The following ZC3H13 variants were observed in gnomAD, a reference collection of about 807,000 sequenced individuals.
ZC3H13 encodes the protein zinc finger CCCH domain-containing protein 13.
ZC3H13 carries 64 observed loss-of-function variants against 204.1 expected under a neutral mutation model. The ratio of observed to expected loss-of-function variants is 0.31; its 90% CI spans 0.26 to 0.39. ZC3H13 has a LOEUF of 0.39. Among genes scored for constraint, ZC3H13 ranks in the 10% least tolerant of loss-of-function variants. ZC3H13 has a pLI of 1.00. For synonymous variants in ZC3H13, 667 were observed against 693.7 expected (o/e 0.96, Z 0.60); for missense variants, 1,833 against 2,082.7 (o/e 0.88, Z 2.33).
chr13:45,979,967 G>A lies in ZC3H13; in HGVS notation c.1758C>T (p.His586=). 1 of 1,607,994 alleles carries A rather than the reference G, an allele frequency of 6.2e-7. No individual in the cohort carries two copies. The highest frequency in any genetic ancestry group is 8.5e-7 in the Non-Finnish European group (1 of 1,177,816). ...TGTCATGATAGTTGCTATTACTACT[G>A]TGACTATCAATTTGAGAACCTCTTG... ...RGSRGSQIDS[H]SSNSNYHDSW... is the part of the protein sequence containing the mutation. The change falls in exon 11 of 19, where the codon CAC becomes CAT. Residue 586 remains histidine (H), a synonymous_variant. Coordinates refer to ENST00000679008, the MANE Select transcript of ZC3H13 (RefSeq NM_001330564.2).
chr13:46,014,947 G>A (rs1450306535), intron 5 of ZC3H13, among the ~76,000 whole-genome samples: 1 of 152,080 alleles, frequency 6.6e-6, no homozygotes, highest in Non-Finnish European at 1.5e-5. Context: ...TTACTTAAAA[G>A]AGTTTCCTTC....
chr13:45,992,338 C>T (rs1322096127), intron 8 of ZC3H13, among the ~76,000 whole-genome samples: 4 of 152,142 alleles, frequency 2.6e-5, no homozygotes, highest in Admixed American at 6.5e-5. Flanking sequence ...AACAAAACCA[C>T]TAACATAATA....
Position 45,968,021 on chromosome 13 carries a change from C to T in ZC3H13, c.3804G>A (p.Gln1268=), listed in dbSNP as rs77549742. 9.4e-4 allele frequency: 1,492 copies of T among 1,584,446 alleles called. 14 individuals are homozygous for T. The African/African-American group carries it at 0.018, about 19-fold the overall frequency. Residue 1268 remains glutamine (Q), a synonymous_variant, in exon 15 of 19, where the codon CAG becomes CAA. Transcript: ENST00000679008. ...TTCTTGAACTATGGCTTCTTGAATCCTGGCGATCTAAAATAAATATACCAT... is the reference window on the plus strand; with the variant it reads ...TTCTTGAACTATGGCTTCTTGAATCTTGGCGATCTAAAATAAATATACCAT... ...EPSRSTSSDR[Q]DSRSHSSRRS...
At chr13:46,042,302 CA>C in intron 3 of ZC3H13, 27 bp from the exon 4 acceptor site, 1 of 1,541,190 alleles carries the variant, frequency 6.5e-7, no homozygotes, top group Non-Finnish European at 8.9e-7. Flanking sequence ...AGAAACAAAA[CA>C]AAAAACGAAA....
chr13:46,017,888 CTG>C (rs1417529216), intron 5 of ZC3H13, among the ~76,000 whole-genome samples: 28 of 152,204 alleles, frequency 1.8e-4, no homozygotes, highest in African/African-American at 6.0e-4. Flanking sequence ...TGGTCAAAAA[CTG>C]TGCGTTTCAA....
At chr13:45,957,357 G>A (rs964879396) in intron 18 of ZC3H13, 60 bp from the exon 19 acceptor site, 18 of 1,344,482 alleles carry the variant, frequency 1.3e-5, no homozygotes, top group South Asian at 2.0e-5. Context: ...TAGGAAAGAT[G>A]GGCAGGTTAA....
chr13:45,991,021 T>C (rs1593568954), intron 8 of ZC3H13, among the ~76,000 whole-genome samples: 3 of 152,292 alleles, frequency 2.0e-5, no homozygotes, highest in African/African-American at 7.2e-5. Flanking sequence ...CGGTTGGTCT[T>C]GAACTCCTGG....
Position 45,957,270 on chromosome 13 carries a change from C to G in ZC3H13, c.4867G>C (p.Ala1623Pro), listed in dbSNP as rs1476534003. 1 of 1,543,656 alleles carries G rather than the reference C, an allele frequency of 6.5e-7. No individual in the cohort carries two copies. The highest frequency in any genetic ancestry group is 8.7e-7 in the Non-Finnish European group (1 of 1,143,066). The change falls in exon 19 of 19, where the codon GCT becomes CCT. Residue 1623 changes from alanine to proline, a missense_variant. Coordinates refer to ENST00000679008, the MANE Select transcript of ZC3H13 (RefSeq NM_001330564.2). The stretch of plus-strand genomic sequence containing the variant: ...AGTAATTCATTGTCTACCATTGGAG[C>G]ACTCGTGTAAGCTTGTTTTATGGTG... ...KGTIKQAYTSAPMVDNELLRL... is the reference protein window; with the variant it reads ...KGTIKQAYTSPPMVDNELLRL...
At chr13:46,022,818 G>T (rs1007807582) in intron 4 of ZC3H13, among the ~76,000 whole-genome samples, 1 of 151,624 alleles carries the variant, frequency 6.6e-6, no homozygotes, top group Non-Finnish European at 1.5e-5. Context: ...CATTTTTGCA[G>T]CAAAACACAG....
intron 4 of ZC3H13, among the ~76,000 whole-genome samples, chr13:46,034,635 T>C (rs1322009000): frequency 6.6e-6 from 1 of 152,154 alleles, no homozygotes; most frequent in Admixed American, 6.5e-5. Context: ...GGTTGACAGA[T>C]ATGTTCTGTA....
chr13:46,043,793 TTC>T (rs1434595155), intron 3 of ZC3H13, among the ~76,000 whole-genome samples: 2 of 152,004 alleles, frequency 1.3e-5, no homozygotes, highest in Admixed American at 6.5e-5. Context: ...TTAGACAAAT[TTC>T]TCTGACCATT....
At chr13:46,033,057 A>G (rs1370041506) in intron 4 of ZC3H13, among the ~76,000 whole-genome samples, 1 of 152,144 alleles carries the variant, frequency 6.6e-6, no homozygotes, top group African/African-American at 2.4e-5. Flanking sequence ...CCTACAGGGA[A>G]AAGGGTACAG....
chr13:45,986,017 A>G (rs924468505), intron 9 of ZC3H13, among the ~76,000 whole-genome samples: 3 of 152,174 alleles, frequency 2.0e-5, no homozygotes, highest in Non-Finnish European at 2.9e-5. Flanking sequence ...ACCAGATCCT[A>G]AACAACTGAA....
chr13:46,019,579 T>A (rs972032620), intron 5 of ZC3H13, among the ~76,000 whole-genome samples: 1 of 152,178 alleles, frequency 6.6e-6, no homozygotes, highest in African/African-American at 2.4e-5. Flanking sequence ...TCTCTTTCTC[T>A]GTGTTTGGTA....
chr13:45,978,826 C>T (rs1300841753), intron 11 of ZC3H13, among the ~76,000 whole-genome samples: 1 of 151,980 alleles, frequency 6.6e-6, no homozygotes, highest in African/African-American at 2.4e-5. Context: ...CATAGAAACT[C>T]CAGCCCTATC....
At chr13:46,031,684 A>T (rs999625828) in intron 4 of ZC3H13, among the ~76,000 whole-genome samples, 12 of 152,190 alleles carry the variant, frequency 7.9e-5, no homozygotes, top group African/African-American at 2.9e-4. Flanking sequence ...AAGACGCTCA[A>T]GAGCTTATCT....
chr13:45,991,839 T>C (rs533602207), intron 8 of ZC3H13, among the ~76,000 whole-genome samples: 3 of 152,266 alleles, frequency 2.0e-5, no homozygotes, highest in Non-Finnish European at 4.4e-5. Flanking sequence ...AATTAGGATA[T>C]GATGTGGTGT....
At chr13:46,039,382 G>C (rs189506589) in intron 4 of ZC3H13, among the ~76,000 whole-genome samples, 1 of 152,256 alleles carries the variant, frequency 6.6e-6, no homozygotes, top group African/African-American at 2.4e-5. Flanking sequence ...AAAAAGCTAA[G>C]TGCCATTTCA....
chr13:46,023,566 G>T (rs898501285), intron 4 of ZC3H13, among the ~76,000 whole-genome samples: 3 of 152,058 alleles, frequency 2.0e-5, no homozygotes, highest in African/African-American at 4.8e-5. Context: ...AAAGCATACA[G>T]CTTCCAACTC....
Sources: gnomAD v4.1 joint callset for allele counts (sites outside exome capture counted in the v4.1 genomes callset) on GRCh38, gnomAD v4.1.1 for gene constraint, MANE v1.5 for transcripts, NCBI Gene and HGNC (gene_info 2026-07-23, HGNC 2026-07-21) for gene names.